ETV3L: variants seen among roughly 807,000 people sequenced by gnomAD.
The protein encoded by ETV3L is ETS variant transcription factor 3 like.
Under a neutral mutation model 27.6 loss-of-function variants are expected in ETV3L, and 30 were observed. The observed-to-expected ratio is 1.09, with a 90% CI of 0.81 to 1.48. The LOEUF is 1.48. Among genes scored for constraint, ETV3L ranks in the 40% most tolerant of loss-of-function variants. The pLI is 0.00. For missense variants in ETV3L, 443 were observed against 455.6 expected, an observed-to-expected ratio of 0.97 and a Z score of 0.25; for synonymous variants, 186 against 188.9, an observed-to-expected ratio of 0.98 and a Z score of 0.12.
intron 4 of ETV3L, 50 bp from the exon 5 acceptor site, chr1:157,093,177 T>G (rs1674157574): frequency 8.0e-7 from 1 of 1,250,482 alleles, no homozygotes; most frequent in African/African-American, 1.5e-5. Flanking sequence ...CTCTCGCAGA[T>G]GCTCCTTGCT....
At chr1:157,098,099 C>A in intron 3 of ETV3L, 111 bp from the exon 4 acceptor site, 4 of 1,296,654 alleles carry the variant, frequency 3.1e-6, no homozygotes, top group East Asian at 2.8e-5. Flanking sequence ...ACTCTCATAC[C>A]GATTTTTTTT....
chr1:157,098,566 G>T, intron 3 of ETV3L, 140 bp downstream of exon 3: 7 of 764,490 alleles, frequency 9.2e-6, no homozygotes, highest in Middle Eastern at 3.8e-4. Flanking sequence ...TGCCTCTGGG[G>T]CACTCAGGGT....
chr1:157,095,779 C>G (rs1674208164), intron 4 of ETV3L, among the ~76,000 whole-genome samples: 1 of 152,154 alleles, frequency 6.6e-6, no homozygotes, highest in South Asian at 2.1e-4. Flanking sequence ...ATGGCCTCAG[C>G]TGCACTCCCA....
intron 1 of ETV3L, 32 bp from the exon 2 acceptor site, chr1:157,099,410 A>G (rs1219339018): frequency 3.1e-6 from 5 of 1,613,740 alleles, no homozygotes; most frequent in Middle Eastern, 1.6e-4. Flanking sequence ...AGGGCTCTGG[A>G]GGCCCTGCCC....
rs1001108835 is a variant in ETV3L at position 157,098,590 on chromosome 1, G to A, written c.486+116C>T. On this transcript the variant is annotated intron_variant, in intron 3 of 4. Coordinates refer to ENST00000454449, the MANE Select transcript of ETV3L (RefSeq NM_001004341.2). ...GGCACTCAGGGTCTAGGATGCAGGA[G>A]GAGAAGAAAACTGGAGGCTGATGGG... 5.0e-6 allele frequency: 5 copies of A among 1,005,050 alleles called. No homozygotes were observed. In the African/African-American group the frequency reaches 8.2e-5, roughly 16 times the overall value. The allele number at this position is 1,005,050 out of a possible 1,614,324, so 62.3% of individuals were successfully genotyped here.
chr1:157,097,018 T>A (rs1674236960), intron 4 of ETV3L, among the ~76,000 whole-genome samples: 1 of 152,144 alleles, frequency 6.6e-6, no homozygotes, highest in South Asian at 2.1e-4. Flanking sequence ...TCCCTTAGCA[T>A]GGCTTGTGCG....
At chr1:157,093,897 C>G (rs1674171079) in intron 4 of ETV3L, among the ~76,000 whole-genome samples, 1 of 152,196 alleles carries the variant, frequency 6.6e-6, no homozygotes, top group Admixed American at 6.5e-5. Context: ...TCTCATCCCT[C>G]CATGAACCTC....
intron 4 of ETV3L, among the ~76,000 whole-genome samples, chr1:157,093,889 T>G (rs1674170763): frequency 6.6e-6 from 1 of 151,972 alleles, no homozygotes; most frequent in Non-Finnish European, 1.5e-5. Context: ...CTGCCTGCTC[T>G]CATCCCTCCA....
chr1:157,098,003 G>A lies in ETV3L; in HGVS notation c.487-15C>T. On this transcript the variant is annotated splice_polypyrimidine_tract_variant and intron_variant, in intron 3 of 4. Transcript: ENST00000454449. Reference sequence around the variant, plus strand: ...CTGTGCAGGAGCTGAGGGGTGAGAAGTAGGTGCGAGGTGTGATGGGCTCTC... The same window carrying A: ...CTGTGCAGGAGCTGAGGGGTGAGAAATAGGTGCGAGGTGTGATGGGCTCTC... 1 of 1,591,514 alleles carries A rather than the reference G, an allele frequency of 6.3e-7. No homozygotes were observed. The highest frequency in any genetic ancestry group is 8.6e-7 in the Non-Finnish European group (1 of 1,168,220).
chr1:157,099,617 G>T lies in ETV3L; in HGVS notation c.-94C>A. 1 of 1,042,392 alleles carries T rather than the reference G, an allele frequency of 9.6e-7. No individual in the cohort carries two copies. The highest frequency in any genetic ancestry group is 1.4e-6 in the Non-Finnish European group (1 of 694,232). 64.6% of individuals were successfully genotyped at this position (1,042,392 alleles called of 1,614,324 possible). ...GGAAGGAGGCAGAGGGGAGGACAGTGAAAGAGGAAGGAAAAATGGAGGGAA... is the reference window on the plus strand; with the variant it reads ...GGAAGGAGGCAGAGGGGAGGACAGTTAAAGAGGAAGGAAAAATGGAGGGAA... On this transcript the variant is annotated 5_prime_UTR_variant, in exon 1 of 5. Transcript: ENST00000454449.
chr1:157,099,107 C>T (rs1558021461), intron 2 of ETV3L, 34 bp downstream of exon 2: 1 of 1,610,458 alleles, frequency 6.2e-7, no homozygotes, highest in Non-Finnish European at 8.5e-7. Context: ...CTTGAAATCC[C>T]CCCTCTTTGG....
At position 157,092,674 on chromosome 1, in the gene ETV3L, G is replaced by T; in HGVS notation, c.1061C>A (p.Ala354Glu). ...TTAAGGAGGATCCAAGGGCCACACT[G>T]CTTTGAGGTTCTCCAGATTGGGGGA... ...LTSPNLENLKAVWPLDPP is the reference protein window; with the variant it reads ...LTSPNLENLKEVWPLDPP The change falls in exon 5 of 5, where the codon GCA (alanine) becomes GAA (glutamate). Residue 354 changes from alanine (A) to glutamate (E), a missense_variant. Transcript: ENST00000454449. The T allele has an allele frequency of 6.2e-7, 1 of 1,612,240 alleles. No individual in the cohort carries two copies. Among genetic ancestry groups the T allele is most frequent in the African/African-American group, 1.3e-5 (1 of 75,040 alleles).
intron 4 of ETV3L, 84 bp downstream of exon 4, chr1:157,097,784 C>T: frequency 6.6e-7 from 1 of 1,522,140 alleles, no homozygotes; most frequent in Non-Finnish European, 9.0e-7. Context: ...TTGTCTCATG[C>T]CCCCTCAGCC....
At chr1:157,098,081 A>C (rs1382971020) in intron 3 of ETV3L, 93 bp from the exon 4 acceptor site, 1 of 1,411,936 alleles carries the variant, frequency 7.1e-7, no homozygotes, top group Non-Finnish European at 9.4e-7. Flanking sequence ...TTGCTAAAAC[A>C]ATGAAATACT....
intron 4 of ETV3L, 24 bp downstream of exon 4, chr1:157,097,844 G>A (rs1674262341): frequency 6.2e-7 from 1 of 1,611,510 alleles, no homozygotes; most frequent in African/African-American, 1.3e-5. Context: ...ATCCCCCTGG[G>A]CCCTCCCAGC....
In ETV3L at chr1:157,099,384, T is replaced by A. The variant is rs1366481300; in HGVS notation, c.59-6A>T. 1 of 1,613,480 alleles carries A rather than the reference T, an allele frequency of 6.2e-7. No individual in the cohort carries two copies. Among genetic ancestry groups the A allele is most frequent in the Non-Finnish European group, 8.5e-7 (1 of 1,179,882 alleles). ...CCAATCAGGGAAGGCCAACCCTGGG[T>A]GGAGAGGGGAGAGTGAGGGCTCTGG... is the stretch of plus-strand genomic sequence containing the variant. On this transcript the variant is annotated splice_region_variant and splice_polypyrimidine_tract_variant and intron_variant, in intron 1 of 4. Coordinates refer to ENST00000454449, the MANE Select transcript of ETV3L (RefSeq NM_001004341.2).
chr1:157,097,135 G>C (rs1674240148), intron 4 of ETV3L, among the ~76,000 whole-genome samples: 1 of 151,856 alleles, frequency 6.6e-6, no homozygotes, highest in Non-Finnish European at 1.5e-5. Context: ...ACTACCAGCT[G>C]TTCTCCAGAT....
intron 4 of ETV3L, among the ~76,000 whole-genome samples, chr1:157,095,518 G>A (rs1251235690): frequency 6.6e-6 from 1 of 152,014 alleles, no homozygotes; most frequent in Non-Finnish European, 1.5e-5. Context: ...GTGGGGCTTG[G>A]GAGGGAACAC....
In ETV3L at chr1:157,099,584, G is replaced by C; in HGVS notation, c.-61C>G. 6.9e-7 allele frequency: 1 copy of C among 1,442,198 alleles called. No individual in the cohort carries two copies. The highest frequency in any genetic ancestry group is 9.6e-7 in the Non-Finnish European group (1 of 1,044,142). The allele number at this position is 1,442,198 out of a possible 1,614,324, so 89.3% of individuals were successfully genotyped here. On this transcript the variant is annotated 5_prime_UTR_variant, in exon 1 of 5. Transcript: ENST00000454449. ...TGGGGAAATGGTCACCACTTAAGAG[G>C]AAGGGAAGGAAGGAGGCAGAGGGGA...
Sources: allele counts gnomAD v4.1 joint callset (sites outside exome capture counted in the v4.1 genomes callset), GRCh38; gene constraint gnomAD v4.1.1; transcripts MANE v1.5; gene names NCBI Gene and HGNC (gene_info 2026-07-23, HGNC 2026-07-21).